Variants in GCNT2 observed in about 807,000 individuals in gnomAD.
GCNT2 encodes the protein glucosaminyl (N-acetyl) transferase 2 (I blood group), also known as N-acetyllactosaminide beta-1,6-N-acetylglucosaminyl-transferase.
In GCNT2, 34 loss-of-function variants were observed where a neutral mutation model predicts 34.2. That is an observed-to-expected ratio of 1.00 (90% CI 0.76 to 1.32). The LOEUF (loss-of-function observed/expected upper bound fraction) is 1.32, where lower values mean the gene tolerates loss of function less well. Ranked by LOEUF, GCNT2 falls within the 40% of genes most tolerant of loss-of-function variation. GCNT2 has a pLI of 0.00. For missense variants in GCNT2, 584 were observed against 489.4 expected, an observed-to-expected ratio of 1.19 and a Z score of -1.82; for synonymous variants, 212 against 188.0, an observed-to-expected ratio of 1.13 and a Z score of -1.04.
chr6:10,523,351 G>A (rs920878706), intron 1 of GCNT2, among the ~76,000 whole-genome samples: 4 of 151,466 alleles, frequency 2.6e-5, no homozygotes, highest in Non-Finnish European at 4.4e-5. Flanking sequence ...GCTTAAACCC[G>A]GGAGGCAGAG....
intron 3 of GCNT2, among the ~76,000 whole-genome samples, chr6:10,543,555 C>T (rs1762131686): frequency 6.6e-6 from 1 of 152,194 alleles, no homozygotes; most frequent in South Asian, 2.1e-4. Context: ...TGGATTGCAA[C>T]ATCTTGCATG....
intron 3 of GCNT2, among the ~76,000 whole-genome samples, chr6:10,563,584 A>G (rs945122877): frequency 6.6e-5 from 10 of 151,598 alleles, no homozygotes; most frequent in Non-Finnish European, 1.5e-4. Flanking sequence ...TCTACTAAAA[A>G]TACAAAAATT....
At position 10,629,351 on chromosome 6, in the gene GCNT2, T is replaced by G. The variant is rs1766391750; in HGVS notation, c.*2744T>G. On this transcript the variant is annotated 3_prime_UTR_variant, in exon 5 of 5. Transcript: ENST00000495262. ...CATGTTTTGTTTTCTTGGGAATAAA[T>G]TAATATATTGTTTTCCACTTCGGGG... 6.6e-6 allele frequency: 1 copy of G among 152,652 alleles called. No individual in the cohort carries two copies. Among genetic ancestry groups the G allele is most frequent in the Non-Finnish European group, 1.5e-5 (1 of 68,046 alleles). The allele number at this position is 152,652 out of a possible 1,614,324, so 9.5% of individuals were successfully genotyped here. A position where few individuals can be genotyped will look rare whatever the true frequency, so the allele number is the denominator to read the frequency against.
At chr6:10,570,949 T>C (rs1763528827) in intron 3 of GCNT2, among the ~76,000 whole-genome samples, 1 of 152,222 alleles carries the variant, frequency 6.6e-6, no homozygotes, top group Non-Finnish European at 1.5e-5. Context: ...CTTTGTCAGG[T>C]ACTCAGTCTA....
At chr6:10,561,835 C>G (rs1762999968) in intron 3 of GCNT2, among the ~76,000 whole-genome samples, 1 of 150,858 alleles carries the variant, frequency 6.6e-6, no homozygotes, top group Non-Finnish European at 1.5e-5. Context: ...TTTTTCAGGG[C>G]CCTTTTGTCA....
At chr6:10,590,011 T>C (rs1764562170) in intron 3 of GCNT2, among the ~76,000 whole-genome samples, 1 of 152,190 alleles carries the variant, frequency 6.6e-6, no homozygotes, top group Non-Finnish European at 1.5e-5. Context: ...CCCCACAGCA[T>C]CCAACCGCGA....
At chr6:10,588,303 C>T (rs770530570) in intron 3 of GCNT2, among the ~76,000 whole-genome samples, 5 of 152,194 alleles carry the variant, frequency 3.3e-5, no homozygotes, top group East Asian at 1.9e-4. Context: ...CTATTTTAAA[C>T]GCATGTAAAT....
intron 3 of GCNT2, among the ~76,000 whole-genome samples, chr6:10,606,896 C>A (rs892731474): frequency 6.6e-6 from 1 of 151,560 alleles, no homozygotes; most frequent in Non-Finnish European, 1.5e-5. Flanking sequence ...TAGTCCATTC[C>A]CATTGCAATA....
intron 3 of GCNT2, among the ~76,000 whole-genome samples, chr6:10,563,769 AAAAAAAAAATATATATATATAT>A (rs1763138581): frequency 1.4e-5 from 1 of 70,162 alleles, no homozygotes; most frequent in African/African-American, 6.0e-5. Context: ...AAAAAAAAAA[AAAAAAAAAATATATATATATAT>A]ATATATATAT....
Position 10,627,691 on chromosome 6 carries a change from A to G in GCNT2, c.*1084A>G, listed in dbSNP as rs1383967000. ...ACATGTACTGAGACAAAAAGGAAACATAAGAGCTTTTTCACTCTAAAAATC... is the reference window on the plus strand; with the variant it reads ...ACATGTACTGAGACAAAAAGGAAACGTAAGAGCTTTTTCACTCTAAAAATC... On this transcript the variant is annotated 3_prime_UTR_variant, in exon 5 of 5. Coordinates refer to ENST00000495262, the MANE Select transcript of GCNT2 (RefSeq NM_145649.5). 6.6e-6 allele frequency: 1 copy of G among 152,194 alleles called. No homozygotes were observed. Among genetic ancestry groups the G allele is most frequent in the Non-Finnish European group, 1.5e-5 (1 of 68,044 alleles). 9.4% of individuals were successfully genotyped at this position (152,194 alleles called of 1,614,324 possible). A position where few individuals can be genotyped will look rare whatever the true frequency, so the allele number is the denominator to read the frequency against.
intron 3 of GCNT2, among the ~76,000 whole-genome samples, chr6:10,560,076 G>T (rs940444024): frequency 6.6e-6 from 1 of 152,122 alleles, no homozygotes; most frequent in East Asian, 1.9e-4. Context: ...CCACACAGCC[G>T]TTAATCAATA....
chr6:10,618,013 C>G (rs1389845371), intron 3 of GCNT2, among the ~76,000 whole-genome samples: 1 of 152,122 alleles, frequency 6.6e-6, no homozygotes, highest in Non-Finnish European at 1.5e-5. Flanking sequence ...CCTCGGCCTC[C>G]CAAAGTGCTG....
chr6:10,576,512 G>A (rs890141444), intron 3 of GCNT2, among the ~76,000 whole-genome samples: 19 of 152,120 alleles, frequency 1.2e-4, no homozygotes, highest in Non-Finnish European at 2.1e-4. Flanking sequence ...TTTGTGCACA[G>A]AATAGTTAAT....
chr6:10,596,911 A>C (rs1218038926), intron 3 of GCNT2, among the ~76,000 whole-genome samples: 1 of 152,176 alleles, frequency 6.6e-6, no homozygotes, highest in Non-Finnish European at 1.5e-5. Flanking sequence ...GAGATGCCTC[A>C]GTTATTAAGT....
intron 3 of GCNT2, among the ~76,000 whole-genome samples, chr6:10,565,334 G>A (rs1177411005): frequency 6.6e-6 from 1 of 152,186 alleles, no homozygotes; most frequent in Non-Finnish European, 1.5e-5. Context: ...CCACAGGCCT[G>A]TTTTCTGTGG....
chr6:10,551,504 G>A (rs1049316590), intron 3 of GCNT2, among the ~76,000 whole-genome samples: 5 of 149,486 alleles, frequency 3.3e-5, no homozygotes, highest in African/African-American at 7.4e-5. Flanking sequence ...GGAGTGCAAC[G>A]GCACGATTTC....
chr6:10,556,357 CGAGTGAGTTTGGAAAAAA>C, intron 3 of GCNT2: 2 of 1,607,206 alleles, frequency 1.2e-6, no homozygotes, highest in African/African-American at 2.7e-5. Context: ...CTCAGAGAAA[CGAGTGAGTTTGGAAAAAA>C]GACTTACAGA....
chr6:10,617,008 C>T (rs1203148298), intron 3 of GCNT2, among the ~76,000 whole-genome samples: 3 of 152,248 alleles, frequency 2.0e-5, no homozygotes, highest in African/African-American at 4.8e-5. Context: ...CAGTGGATCC[C>T]GCACCAGGGC....
chr6:10,599,121 G>C (rs1036613115), intron 3 of GCNT2, among the ~76,000 whole-genome samples: 14 of 152,150 alleles, frequency 9.2e-5, no homozygotes, highest in Non-Finnish European at 1.6e-4. Context: ...GACAAAAGCA[G>C]CTTGAATTCC....
Sources: gnomAD v4.1 joint callset for allele counts (sites outside exome capture counted in the v4.1 genomes callset) on GRCh38, gnomAD v4.1.1 for gene constraint, MANE v1.5 for transcripts, NCBI Gene and HGNC (gene_info 2026-07-23, HGNC 2026-07-21) for gene names.